BRD9: variants seen among roughly 807,000 people sequenced by gnomAD.
BRD9 encodes bromodomain containing 9.
A neutral mutation model predicts 68.7 loss-of-function variants in BRD9; 47 were observed. The observed-to-expected ratio is 0.68, with a 90% CI of 0.54 to 0.87. The LOEUF (loss-of-function observed/expected upper bound fraction) is 0.87, where lower values mean the gene tolerates loss of function less well. Ranked by LOEUF, BRD9 falls within the 40% of genes least tolerant of loss-of-function variation. The probability of loss-of-function intolerance (pLI) is 0.00; values close to 1 mark genes in which losing one functional copy is unlikely to be tolerated. For synonymous variants in BRD9, 313 were observed against 293.9 expected (o/e 1.06, Z -0.67); for missense variants, 670 against 748.4 (o/e 0.90, Z 1.22).
At chr5:892,242 C>T (rs1753544402) in intron 1 of BRD9, 1 of 456,472 alleles carries the variant, frequency 2.2e-6, no homozygotes, top group Admixed American at 4.2e-5. Context: ...CCCGCTGACA[C>T]CCATGGAGCT....
intron 14 of BRD9, among the ~76,000 whole-genome samples, chr5:868,384 G>A (rs756938625): frequency 1.3e-5 from 2 of 152,244 alleles, no homozygotes; most frequent in African/African-American, 2.4e-5. Context: ...CTGAGAAGTA[G>A]TAATAAGGAC....
chr5:874,079 T>C (rs188632440), intron 12 of BRD9, among the ~76,000 whole-genome samples: 63 of 152,360 alleles, frequency 4.1e-4, no homozygotes, highest in African/African-American at 1.5e-3. Flanking sequence ...CCAGCAGACA[T>C]AACGCGAGCA....
rs146678073 is a variant in BRD9 at position 884,022 on chromosome 5, G to C, written c.882C>G (p.Thr294=). Residue 294 remains threonine (T), a synonymous_variant, in exon 8 of 16, where the codon ACC becomes ACG. Transcript: ENST00000467963. ...CCAGCGCCAGCACGTGCTCCTCTGC[G>C]GTACTGTCCGTCAAGCTGCAGGCAT... ...EGNACSLTDS[T]AEEHVLALVE... is the part of the protein sequence containing the mutation. 1 of 1,613,734 alleles carries C rather than the reference G, an allele frequency of 6.2e-7. No homozygotes were observed. Among genetic ancestry groups the C allele is most frequent in the Non-Finnish European group, 8.5e-7 (1 of 1,180,042 alleles).
intron 5 of BRD9, chr5:888,255 G>A (rs958314416): frequency 6.6e-6 from 1 of 152,414 alleles, no homozygotes; most frequent in Non-Finnish European, 1.5e-5. Flanking sequence ...GGAATGGCCA[G>A]ACTGGGGCCC....
intron 14 of BRD9, 27 bp downstream of exon 14, chr5:870,446 T>C (rs781123445): frequency 2.1e-5 from 32 of 1,548,968 alleles, no homozygotes; most frequent in Non-Finnish European, 2.1e-5. Context: ...CACCAGGTGC[T>C]GTGGGAAAGT....
At chr5:866,194 T>G (rs1749357758) in intron 14 of BRD9, 1 of 152,236 alleles carries the variant, frequency 6.6e-6, no homozygotes, top group African/African-American at 2.4e-5. Context: ...TGACAATGCC[T>G]GGGGAAGGTC....
rs114698503 is a variant in BRD9, at chr5:889,015, A to G, written c.606+6T>C. 1,192 of 1,603,786 alleles carry G rather than the reference A, an allele frequency of 7.4e-4. 1 individual carries two copies. Among genetic ancestry groups the G allele is most frequent in the Non-Finnish European group, 9.3e-4 (1,091 of 1,176,286 alleles). ...ACGATTACTTCGGGCAATGAAAGTA[A>G]CTTACCTTAAATTCCGTAACTGACT... On this transcript the variant is annotated splice_donor_region_variant and intron_variant, in intron 5 of 15. Transcript: ENST00000467963.
intron 11 of BRD9, among the ~76,000 whole-genome samples, chr5:876,934 CAG>C (rs1410705880): frequency 6.6e-6 from 1 of 152,218 alleles, no homozygotes; most frequent in Non-Finnish European, 1.5e-5. Flanking sequence ...AAGCAGCACT[CAG>C]GGGCAGAGGA....
At chr5:883,621 A>G in intron 8 of BRD9, 1 of 445,844 alleles carries the variant, frequency 2.2e-6, no homozygotes, top group South Asian at 2.1e-5. Context: ...ACACCCAGTG[A>G]CAGAGACACA....
rs929500119 is a variant in BRD9, at chr5:886,887, C to T, written c.718-180G>A. The stretch of plus-strand genomic sequence containing the variant: ...ACCTGGCCTAAGAGCTAACTTTCCA[C>T]GGCGGAGCAGCGGGAGGTGGTTGTG... On this transcript the variant is annotated intron_variant, in intron 6 of 15. Coordinates refer to ENST00000467963, the MANE Select transcript of BRD9 (RefSeq NM_023924.5). The T allele has an allele frequency of 2.6e-5, 29 of 1,117,954 alleles. No homozygotes were observed. In the Admixed American group the frequency reaches 3.0e-4, roughly 12 times the overall value. 69.3% of individuals were successfully genotyped at this position (1,117,954 alleles called of 1,614,324 possible). A position where few individuals can be genotyped will look rare whatever the true frequency, so the allele number is the denominator to read the frequency against.
intron 8 of BRD9, chr5:883,223 C>T: frequency 4.7e-6 from 2 of 427,802 alleles, no homozygotes; most frequent in Middle Eastern, 3.4e-4. Flanking sequence ...CATCCCATCC[C>T]ATGTGCATTT....
chr5:864,723 T>C (rs1749089612), intron 15 of BRD9, among the ~76,000 whole-genome samples, 155 bp from the exon 16 acceptor site: 1 of 152,134 alleles, frequency 6.6e-6, no homozygotes, highest in Non-Finnish European at 1.5e-5. Context: ...AGGAGAGCTG[T>C]GTGTAGAGAC....
intron 12 of BRD9, among the ~76,000 whole-genome samples, chr5:874,107 GT>G (rs1226992740): frequency 6.6e-6 from 1 of 152,146 alleles, no homozygotes; most frequent in Non-Finnish European, 1.5e-5. Context: ...CGTTCTAAAT[GT>G]TTTTTTATCT....
intron 14 of BRD9, 157 bp from the exon 15 acceptor site, chr5:865,738 GC>G: frequency 1.3e-6 from 1 of 778,034 alleles, no homozygotes; most frequent in South Asian, 1.8e-5. Flanking sequence ...AGGTGGACAG[GC>G]CTGGAGGACA....
chr5:865,517 G>T lies in BRD9; in HGVS notation c.1590C>A (p.Leu530=). The T allele has an allele frequency of 6.2e-7, 1 of 1,607,672 alleles. No homozygotes were observed. ...SHLNLDETTK[L]LQDLHEAQAE... is the part of the protein sequence containing the mutation. ...CCTGTGCTTCGTGCAGGTCCTGCAGGAGCTTCGTCGTCTCATCCAAGTTCA... is the reference window on the plus strand; with the variant it reads ...CCTGTGCTTCGTGCAGGTCCTGCAGTAGCTTCGTCGTCTCATCCAAGTTCA... Residue 530 remains leucine (L), a synonymous_variant, in exon 15 of 16, where the codon CTC becomes CTA. Coordinates refer to ENST00000467963, the MANE Select transcript of BRD9 (RefSeq NM_023924.5).
intron 14 of BRD9, among the ~76,000 whole-genome samples, chr5:869,843 CCT>C (rs1032199683): frequency 2.0e-5 from 3 of 152,222 alleles, no homozygotes; most frequent in African/African-American, 7.2e-5. Flanking sequence ...TGACTGATGT[CCT>C]CTGTCTCCCT....
At chr5:875,174 G>C (rs1053520880) in intron 12 of BRD9, among the ~76,000 whole-genome samples, 1 of 152,202 alleles carries the variant, frequency 6.6e-6, no homozygotes, top group East Asian at 1.9e-4. Context: ...CCGAGGCTCT[G>C]TGAGCCACAC....
Position 878,347 on chromosome 5 carries a change from A to T in BRD9, c.1271+8T>A. The T allele has an allele frequency of 6.2e-7, 1 of 1,613,514 alleles. No homozygotes were observed. The highest frequency in any genetic ancestry group is 8.5e-7 in the Non-Finnish European group (1 of 1,180,030). On this transcript the variant is annotated splice_region_variant and intron_variant, in intron 11 of 15. Transcript: ENST00000467963. ...AGCAGCCAAGGGCTCCCCGGGGCCGACACTTGCCTCAGCGCACACTGCACG... is the reference window on the plus strand; with the variant it reads ...AGCAGCCAAGGGCTCCCCGGGGCCGTCACTTGCCTCAGCGCACACTGCACG...
intron 9 of BRD9, 135 bp downstream of exon 9, chr5:880,972 C>G (rs16880430): frequency 9.2e-6 from 8 of 867,678 alleles, no homozygotes; most frequent in African/African-American, 8.5e-5. Context: ...CGTTGGGGTG[C>G]GAGCAAGGTC....
Sources: gnomAD v4.1 joint callset for allele counts (sites outside exome capture counted in the v4.1 genomes callset) on GRCh38, gnomAD v4.1.1 for gene constraint, MANE v1.5 for transcripts, NCBI Gene and HGNC (gene_info 2026-07-23, HGNC 2026-07-21) for gene names.